Variants in GMDS observed in about 807,000 individuals in gnomAD.
GMDS encodes GDP-mannose 4,6 dehydratase.
A neutral mutation model predicts 49.9 loss-of-function variants in GMDS; 20 were observed. That is an observed-to-expected ratio of 0.40 (90% confidence interval 0.28 to 0.58). GMDS has a LOEUF of 0.58. Ranked by LOEUF, GMDS falls within the 20% of genes least tolerant of loss-of-function variation. The pLI, the probability that GMDS is intolerant of heterozygous loss-of-function variation, is 0.42. For synonymous variants in GMDS, 177 were observed against 178.6 expected (o/e 0.99, Z 0.07); for missense variants, 362 against 481.4 (o/e 0.75, Z 2.32).
chr6:1,846,519 C>A (rs895745805), intron 7 of GMDS, among the ~76,000 whole-genome samples: 9 of 152,280 alleles, frequency 5.9e-5, no homozygotes, highest in African/African-American at 1.9e-4. Flanking sequence ...AAGTTTCTCT[C>A]CATTGATAGG....
intron 4 of GMDS, among the ~76,000 whole-genome samples, chr6:1,967,018 C>T (rs776134256): frequency 6.6e-6 from 1 of 152,148 alleles, no homozygotes; most frequent in African/African-American, 2.4e-5. Context: ...TCCCCCACTA[C>T]GACGATGCAG....
At chr6:2,165,045 A>G (rs549146872) in intron 1 of GMDS, among the ~76,000 whole-genome samples, 127 of 152,336 alleles carry the variant, frequency 8.3e-4, no homozygotes, top group African/African-American at 3.0e-3. Context: ...ATGGCCTATC[A>G]GTGCTCTCCT....
intron 7 of GMDS, among the ~76,000 whole-genome samples, chr6:1,880,775 C>T (rs1004560860): frequency 5.9e-5 from 9 of 152,154 alleles, no homozygotes; most frequent in Non-Finnish European, 1.2e-4. Flanking sequence ...ACAAAGATAA[C>T]TTCAGCAGCA....
chr6:1,763,404 G>A (rs1768232533), intron 7 of GMDS, among the ~76,000 whole-genome samples: 1 of 152,208 alleles, frequency 6.6e-6, no homozygotes, highest in African/African-American at 2.4e-5. Flanking sequence ...CAGGGGCATG[G>A]AGATAAAACC....
At chr6:1,632,841 T>C (rs1374255023) in intron 9 of GMDS, among the ~76,000 whole-genome samples, 2 of 152,206 alleles carry the variant, frequency 1.3e-5, no homozygotes, top group Non-Finnish European at 2.9e-5. Flanking sequence ...ATTACACCAC[T>C]GTACTCCAGC....
chr6:1,781,523 T>G (rs1391043471), intron 7 of GMDS, among the ~76,000 whole-genome samples: 3 of 152,184 alleles, frequency 2.0e-5, no homozygotes, highest in Non-Finnish European at 4.4e-5. Context: ...TGAGCTTGAG[T>G]GCCTGCGTGT....
chr6:1,654,838 G>A (rs1002520156), intron 9 of GMDS, among the ~76,000 whole-genome samples: 5 of 152,050 alleles, frequency 3.3e-5, no homozygotes, highest in Non-Finnish European at 5.9e-5. Context: ...CGAGGTGGGC[G>A]GATCATGAGG....
At chr6:1,726,312 C>G in intron 9 of GMDS, 104 bp downstream of exon 9, 1 of 755,014 alleles carries the variant, frequency 1.3e-6, no homozygotes, top group Non-Finnish European at 2.4e-6. Context: ...TGCCAGGGAG[C>G]TGAACTGACA....
At chr6:1,665,689 C>G (rs901423967) in intron 9 of GMDS, among the ~76,000 whole-genome samples, 5 of 152,090 alleles carry the variant, frequency 3.3e-5, no homozygotes, top group African/African-American at 1.2e-4. Flanking sequence ...CTCCTTTCTG[C>G]TCTCTGGGGG....
intron 7 of GMDS, among the ~76,000 whole-genome samples, chr6:1,821,175 T>C (rs947142766): frequency 5.9e-5 from 9 of 152,212 alleles, no homozygotes; most frequent in African/African-American, 2.2e-4. Context: ...TCCTTTTCCA[T>C]TGCTCAAGAA....
intron 4 of GMDS, among the ~76,000 whole-genome samples, chr6:1,987,073 G>T (rs746165144): frequency 1.3e-5 from 2 of 152,138 alleles, no homozygotes; most frequent in Non-Finnish European, 2.9e-5. Flanking sequence ...GTAGTGCTCT[G>T]TGAGTTTGCT....
At chr6:1,783,163 G>A (rs1298524030) in intron 7 of GMDS, among the ~76,000 whole-genome samples, 1 of 152,102 alleles carries the variant, frequency 6.6e-6, no homozygotes, top group Non-Finnish European at 1.5e-5. Flanking sequence ...AAAGAGAGGA[G>A]AGGAGAGGAG....
At chr6:1,735,367 G>A (rs1199160372) in intron 8 of GMDS, among the ~76,000 whole-genome samples, 1 of 152,230 alleles carries the variant, frequency 6.6e-6, no homozygotes, top group African/African-American at 2.4e-5. Context: ...GGAGCCTGCA[G>A]TCTATGGCCA....
In GMDS at chr6:1,623,992, C is replaced by A. The variant is rs1418169485; in HGVS notation, c.*177G>T. On this transcript the variant is annotated 3_prime_UTR_variant, in exon 11 of 11. Transcript: ENST00000380815. ...ACCCAAACCCTGGAGGGTCACATCC[C>A]GGCTGCTACAAACCTCGGCGGGGCG... 5.1e-6 allele frequency: 3 copies of A among 583,280 alleles called. No individual in the cohort carries two copies. The highest frequency in any genetic ancestry group is 3.8e-5 in the African/African-American group (2 of 52,378). The allele number at this position is 583,280 out of a possible 1,614,324, so 36.1% of individuals were successfully genotyped here. A position where few individuals can be genotyped will look rare whatever the true frequency, so the allele number is the denominator to read the frequency against.
intron 7 of GMDS, among the ~76,000 whole-genome samples, chr6:1,929,672 A>G (rs978993900): frequency 6.6e-6 from 1 of 152,172 alleles, no homozygotes; most frequent in Non-Finnish European, 1.5e-5. Flanking sequence ...GCAGAGTTCC[A>G]TAAGAATATT....
chr6:2,202,170 C>T (rs1444142864), intron 1 of GMDS, among the ~76,000 whole-genome samples: 21 of 140,656 alleles, frequency 1.5e-4, no homozygotes, highest in African/African-American at 5.3e-4. Flanking sequence ...AGAGAGAGCA[C>T]CACATGGACA....
chr6:1,787,672 G>T (rs1199088044), intron 7 of GMDS, among the ~76,000 whole-genome samples: 1 of 152,120 alleles, frequency 6.6e-6, no homozygotes, highest in African/African-American at 2.4e-5. Flanking sequence ...ATGTGAAGAA[G>T]GTATAAAAAC....
At chr6:2,086,312 C>G (rs1773011006) in intron 4 of GMDS, among the ~76,000 whole-genome samples, 1 of 152,238 alleles carries the variant, frequency 6.6e-6, no homozygotes, top group Admixed American at 6.5e-5. Context: ...CTTTTCATCC[C>G]TCTACTAGAA....
rs114837166 is a variant in GMDS, at chr6:1,816,077, C to T, written c.772-73491G>A. Among the ~76,000 whole-genome samples, 393 of 152,322 alleles carry T rather than the reference C, an allele frequency of 2.6e-3. 1 individual carries two copies. The highest frequency in any genetic ancestry group is 8.9e-3 in the African/African-American group (370 of 41,572). On this transcript the variant is annotated intron_variant, in intron 7 of 10. Transcript: ENST00000380815. ...ATGCTCACTGCCCCACCAGTGAGGG[C>T]GCTGAGCCAAGTTGGGGGCTTGCTC...
Sources: allele counts gnomAD v4.1 joint callset (sites outside exome capture counted in the v4.1 genomes callset), GRCh38; gene constraint gnomAD v4.1.1; transcripts MANE v1.5; gene names NCBI Gene and HGNC (gene_info 2026-07-23, HGNC 2026-07-21).